Variants in LNX2 observed in about 807,000 individuals in gnomAD.
LNX2 encodes the protein ligand of Numb protein X 2.
LNX2 carries 35 observed loss-of-function variants against 66.2 expected under a neutral mutation model. The observed-to-expected ratio is 0.53, with a 90% CI of 0.40 to 0.70. The LOEUF is 0.70. Ranked by LOEUF, LNX2 falls within the 30% of genes least tolerant of loss-of-function variation. The pLI is 0.00. For synonymous variants in LNX2, 337 were observed against 315.6 expected, an observed-to-expected ratio of 1.07 and a Z score of -0.72; for missense variants, 791 against 850.8, an observed-to-expected ratio of 0.93 and a Z score of 0.87.
rs1566124662 is a variant in LNX2, at chr13:27,583,207, T to TGCGC, written c.-100-1405_-100-1404insGCGC. Among the ~76,000 whole-genome samples, 9 of 24,300 alleles carry TGCGC rather than the reference T, an allele frequency of 3.7e-4. 1 individual carries two copies. Among genetic ancestry groups the TGCGC allele is most frequent in the African/African-American group, 1.5e-3 (8 of 5,234 alleles). 15.9% of individuals were successfully genotyped at this position (24,300 alleles called of 152,430 possible). On this transcript the variant is annotated intron_variant, in intron 1 of 9. Transcript: ENST00000316334. ...GTGTGTGTGTGTGTGTGTGTGTGTG[T>TGCGC]GTGTGTGTGTGTGTGTGTGTGTGTG...
chr13:27,606,040 G>A (rs998115041), intron 1 of LNX2, among the ~76,000 whole-genome samples: 9 of 152,082 alleles, frequency 5.9e-5, no homozygotes, highest in African/African-American at 2.2e-4. Flanking sequence ...GCTATTCTAA[G>A]AGTGTCCACT....
intron 1 of LNX2, among the ~76,000 whole-genome samples, chr13:27,605,865 T>C (rs1014367699): frequency 6.6e-6 from 1 of 152,168 alleles, no homozygotes; most frequent in Non-Finnish European, 1.5e-5. Context: ...CTGAAAATAT[T>C]AAAACTTTCT....
intron 1 of LNX2, among the ~76,000 whole-genome samples, chr13:27,604,599 T>C (rs1022595867): frequency 6.6e-6 from 1 of 152,176 alleles, no homozygotes; most frequent in Non-Finnish European, 1.5e-5. Context: ...TTACACACTT[T>C]TTTTCTTACT....
chr13:27,611,870 T>A (rs1471917972), intron 1 of LNX2, among the ~76,000 whole-genome samples: 1 of 152,220 alleles, frequency 6.6e-6, no homozygotes, highest in Non-Finnish European at 1.5e-5. Context: ...GAGAAGAATG[T>A]GGGGTCAATG....
Position 27,581,316 on chromosome 13 carries a change from C to T in LNX2, c.388G>A (p.Glu130Lys). ...GCTTACCTGTTTTTGAGATGTGCCT[C>T]CAGATCACAACGTTGCATTACATCT... Reference protein sequence around the residue: ...CKDVMQRCDLEAHLKNRCPGA... With the variant: ...CKDVMQRCDLKAHLKNRCPGA... Residue 130 changes from glutamate (E) to lysine (K), a missense_variant, in exon 2 of 10, where the codon GAG becomes AAG. Coordinates refer to ENST00000316334, the MANE Select transcript of LNX2 (RefSeq NM_153371.4). The T allele has an allele frequency of 6.7e-7, 1 of 1,489,600 alleles. No homozygotes were observed. The highest frequency in any genetic ancestry group is 8.9e-7 in the Non-Finnish European group (1 of 1,117,472). 92.3% of individuals were successfully genotyped at this position (1,489,600 alleles called of 1,614,324 possible). A position where few individuals can be genotyped will look rare whatever the true frequency, so the allele number is the denominator to read the frequency against.
chr13:27,586,466 G>A (rs144001849), intron 1 of LNX2, among the ~76,000 whole-genome samples: 97 of 152,258 alleles, frequency 6.4e-4, no homozygotes, highest in African/African-American at 2.1e-3. Context: ...TGGCTGTACT[G>A]CCTCACACTA....
intron 1 of LNX2, among the ~76,000 whole-genome samples, chr13:27,587,897 T>C (rs1204294905): frequency 6.6e-6 from 1 of 151,918 alleles, no homozygotes; most frequent in African/African-American, 2.4e-5. Context: ...GGCGAGTGCC[T>C]GTAGTCCCAG....
At chr13:27,585,458 A>G (rs184993312) in intron 1 of LNX2, among the ~76,000 whole-genome samples, 224 of 151,586 alleles carry the variant, frequency 1.5e-3, no homozygotes, top group South Asian at 2.9e-3. Flanking sequence ...ATAAATATAT[A>G]AAAATAATAA....
At chr13:27,592,234 G>C (rs1955552359) in intron 1 of LNX2, among the ~76,000 whole-genome samples, 1 of 152,156 alleles carries the variant, frequency 6.6e-6, no homozygotes, top group Non-Finnish European at 1.5e-5. Flanking sequence ...CACAGATGAT[G>C]GTAGATTGAA....
At chr13:27,565,787 T>C (rs569838151) in intron 4 of LNX2, among the ~76,000 whole-genome samples, 4 of 152,308 alleles carry the variant, frequency 2.6e-5, no homozygotes, top group Non-Finnish European at 4.4e-5. Flanking sequence ...TTGGTGTTAA[T>C]TATTTTCAGG....
At position 27,581,739 on chromosome 13, in the gene LNX2, C is replaced by T; in HGVS notation, c.-36G>A. On this transcript the variant is annotated 5_prime_UTR_variant, in exon 2 of 10. Transcript: ENST00000316334. ...TTCTGTATCCTCATGTGTTAGACTT[C>T]CACTTCACGCTTGGTTTCCTTTAAC... is the stretch of plus-strand genomic sequence containing the variant. 2.0e-6 allele frequency: 3 copies of T among 1,530,154 alleles called. No homozygotes were observed. Among genetic ancestry groups the T allele is most frequent in the African/African-American group, 1.4e-5 (1 of 72,806 alleles). 94.8% of individuals were successfully genotyped at this position (1,530,154 alleles called of 1,614,324 possible).
intron 5 of LNX2, 55 bp downstream of exon 5, chr13:27,562,358 A>T (rs765464067): frequency 1.3e-6 from 2 of 1,529,554 alleles, no homozygotes; most frequent in Non-Finnish European, 8.8e-7. Flanking sequence ...GAAAACAAAT[A>T]CTACTATATG....
intron 2 of LNX2, among the ~76,000 whole-genome samples, chr13:27,574,302 G>A (rs2138375138): frequency 6.6e-6 from 1 of 152,266 alleles, no homozygotes; most frequent in Non-Finnish European, 1.5e-5. Flanking sequence ...AAATTAGCCA[G>A]GTTTGGTGGC....
chr13:27,589,748 T>G (rs1034434149), intron 1 of LNX2, among the ~76,000 whole-genome samples: 3 of 152,218 alleles, frequency 2.0e-5, no homozygotes, highest in Non-Finnish European at 4.4e-5. Flanking sequence ...TACCTTAATT[T>G]GGAAACAGAA....
intron 1 of LNX2, among the ~76,000 whole-genome samples, chr13:27,596,921 A>AT (rs1471195206): frequency 6.6e-6 from 1 of 152,214 alleles, no homozygotes; most frequent in Admixed American, 6.5e-5. Context: ...ACCCACCTGC[A>AT]TAAGTGTCTA....
intron 9 of LNX2, among the ~76,000 whole-genome samples, chr13:27,549,174 T>A (rs1954977711): frequency 6.6e-6 from 1 of 152,164 alleles, no homozygotes; most frequent in Non-Finnish European, 1.5e-5. Context: ...TTTTTTTTCA[T>A]CTTTATCAAT....
At position 27,614,589 on chromosome 13, in the gene LNX2, G is replaced by A. The variant is rs73432847; in HGVS notation, c.-101+5786C>T. On this transcript the variant is annotated intron_variant, in intron 1 of 9. Coordinates refer to ENST00000316334, the MANE Select transcript of LNX2 (RefSeq NM_153371.4). ...CAGTCTTCTGTTCCGCAAGATCTATGTGTGTAAAAACTCTTTCTCTATTGC... is the reference window on the plus strand; with the variant it reads ...CAGTCTTCTGTTCCGCAAGATCTATATGTGTAAAAACTCTTTCTCTATTGC... 8.8e-3 allele frequency among the ~76,000 whole-genome samples: 1,333 copies of A among 152,252 alleles called. 17 individuals carry two copies. The highest frequency in any genetic ancestry group is 0.031 in the African/African-American group (1,272 of 41,532).
chr13:27,595,659 A>G (rs2138437406), intron 1 of LNX2, among the ~76,000 whole-genome samples: 1 of 152,324 alleles, frequency 6.6e-6, no homozygotes, highest in South Asian at 2.1e-4. Flanking sequence ...ATTCTATCAT[A>G]TCTGTCTCTA....
intron 2 of LNX2, among the ~76,000 whole-genome samples, chr13:27,573,633 GC>G: frequency 6.6e-6 from 1 of 152,160 alleles, no homozygotes; most frequent in African/African-American, 2.4e-5. Context: ...GGTGTGGCAT[GC>G]CCCACCATGC....
Sources: gnomAD v4.1 joint callset for allele counts (sites outside exome capture counted in the v4.1 genomes callset) on GRCh38, gnomAD v4.1.1 for gene constraint, MANE v1.5 for transcripts, NCBI Gene and HGNC (gene_info 2026-07-23, HGNC 2026-07-21) for gene names.